Variants in FCHO2 observed in about 807,000 individuals in gnomAD.
FCHO2 encodes the protein F-BAR domain only protein 2.
In FCHO2, 43 loss-of-function variants were observed where a neutral mutation model predicts 114.1. The observed-to-expected ratio is 0.38, with a 90% CI of 0.30 to 0.49. The LOEUF is 0.49. Ranked by LOEUF, FCHO2 falls within the 20% of genes least tolerant of loss-of-function variation. The pLI is 0.97. For missense variants in FCHO2, 807 were observed against 950.4 expected (o/e 0.85, Z 1.98); for synonymous variants, 293 against 315.2 (o/e 0.93, Z 0.75).
At chr5:73,016,087 A>G (rs1755291895) in intron 7 of FCHO2, among the ~76,000 whole-genome samples, 1 of 152,074 alleles carries the variant, frequency 6.6e-6, no homozygotes. Flanking sequence ...GTGTTCCACA[A>G]ATATAAAAGG....
At chr5:72,962,365 G>A (rs913607727) in intron 1 of FCHO2, among the ~76,000 whole-genome samples, 2 of 152,200 alleles carry the variant, frequency 1.3e-5, no homozygotes, top group Non-Finnish European at 2.9e-5. Flanking sequence ...AGCAAAGGAT[G>A]AGGGAACAGT....
In FCHO2 at chr5:73,063,904, C is replaced by G. The variant is rs776555079; in HGVS notation, c.1409C>G (p.Pro470Arg). 1.9e-6 allele frequency: 3 copies of G among 1,611,800 alleles called. No homozygotes were observed. Among genetic ancestry groups the G allele is most frequent in the Non-Finnish European group, 2.5e-6 (3 of 1,178,788 alleles). ...IVPPPRPASR[P>R]KLTSGKLSGI... ...CCACCTCCGAGGCCTGCTTCCAGACCAAAGCTTACTTCAGGCAAACTCAGT... is the reference window on the plus strand; with the variant it reads ...CCACCTCCGAGGCCTGCTTCCAGACGAAAGCTTACTTCAGGCAAACTCAGT... Residue 470 changes from proline (P) to arginine (R), a missense_variant, in exon 18 of 26, where the codon CCA becomes CGA. Coordinates refer to ENST00000430046, the MANE Select transcript of FCHO2 (RefSeq NM_138782.3).
chr5:73,017,262 G>A lies in FCHO2; in HGVS notation c.750G>A (p.Leu250=). 1 of 1,566,332 alleles carries A rather than the reference G, an allele frequency of 6.4e-7. No individual in the cohort carries two copies. Among genetic ancestry groups the A allele is most frequent in the East Asian group, 2.3e-5 (1 of 42,578 alleles). Residue 250 remains leucine, a synonymous_variant, in exon 8 of 26, where the codon TTG becomes TTA. Coordinates refer to ENST00000430046, the MANE Select transcript of FCHO2 (RefSeq NM_138782.3). ...TGGCTAATACTACAGTTGAAAGTTTGATACAAAAATTTGCTGAGTCAAAAG... is the reference window on the plus strand; with the variant it reads ...TGGCTAATACTACAGTTGAAAGTTTAATACAAAAATTTGCTGAGTCAAAAG... ...NNMANTTVES[L]IQKFAESKGT... is the part of the protein sequence containing the mutation.
intron 1 of FCHO2, among the ~76,000 whole-genome samples, chr5:72,962,933 A>T (rs1218533680): frequency 6.6e-6 from 1 of 152,122 alleles, no homozygotes; most frequent in Non-Finnish European, 1.5e-5. Context: ...TTTAGTAGCA[A>T]TCTGGTCCAA....
chr5:73,065,430 A>C (rs1003777363), intron 18 of FCHO2, among the ~76,000 whole-genome samples: 4 of 152,008 alleles, frequency 2.6e-5, no homozygotes, highest in African/African-American at 9.7e-5. Flanking sequence ...TTTGGAATGC[A>C]TAAGTGTTTA....
Position 73,081,862 on chromosome 5 carries a change from G to A in FCHO2, c.2060G>A (p.Arg687Lys), listed in dbSNP as rs756561862. Residue 687 changes from arginine to lysine, a missense_variant, in exon 23 of 26, where the codon AGA (arginine) becomes AAA (lysine). Coordinates refer to ENST00000430046, the MANE Select transcript of FCHO2 (RefSeq NM_138782.3). The part of the protein sequence containing the change: ...WKCSASTTDL[R>K]VDYKYNPEAM... Reference sequence around the variant, plus strand: ...TGTAGTGCTAGCACCACAGATCTTAGAGTGGATTATAAATACAATCCAGAA... The same window carrying A: ...TGTAGTGCTAGCACCACAGATCTTAAAGTGGATTATAAATACAATCCAGAA... 6.2e-7 allele frequency: 1 copy of A among 1,612,704 alleles called. No individual in the cohort carries two copies. Among genetic ancestry groups the A allele is most frequent in the South Asian group, 1.1e-5 (1 of 90,796 alleles).
chr5:73,088,312 G>T lies in FCHO2; in HGVS notation c.*222G>T, dbSNP rs890415321. ...AATGATCAACTACAATATTCAGGAA[G>T]CACATTTATTCAGATTCTCAGTAAA... On this transcript the variant is annotated 3_prime_UTR_variant, in exon 26 of 26. Coordinates refer to ENST00000430046, the MANE Select transcript of FCHO2 (RefSeq NM_138782.3). 1.6e-4 allele frequency: 89 copies of T among 545,532 alleles called. No individual in the cohort carries two copies. The highest frequency in any genetic ancestry group is 1.6e-3 in the African/African-American group (85 of 52,848). The allele number at this position is 545,532 out of a possible 1,614,324, so 33.8% of individuals were successfully genotyped here.
Position 73,078,225 on chromosome 5 carries a change from C to T in FCHO2, c.1893C>T (p.Asn631=). ...CDSNTKDFWM[N]MQAVTVYLKK... is the part of the protein sequence containing the mutation. ...CCAACACAAAAGATTTTTGGATGAA[C>T]ATGCAAGCTGTTACAGTCTACCTCA... Residue 631 remains asparagine, a synonymous_variant, in exon 22 of 26, where the codon AAC becomes AAT. Coordinates refer to ENST00000430046, the MANE Select transcript of FCHO2 (RefSeq NM_138782.3). 2 of 1,584,244 alleles carry T rather than the reference C, an allele frequency of 1.3e-6. No individual in the cohort carries two copies. The highest frequency in any genetic ancestry group is 1.7e-6 in the Non-Finnish European group (2 of 1,164,960).
intron 5 of FCHO2, among the ~76,000 whole-genome samples, chr5:72,991,811 G>GTATTTATA (rs1016311948): frequency 6.6e-6 from 1 of 152,100 alleles, no homozygotes; most frequent in African/African-American, 2.4e-5. Flanking sequence ...AAACAGCTGT[G>GTATTTATA]TATTTATATA....
At chr5:72,965,774 T>A (rs1482015012) in intron 1 of FCHO2, among the ~76,000 whole-genome samples, 1 of 152,210 alleles carries the variant, frequency 6.6e-6, no homozygotes, top group Non-Finnish European at 1.5e-5. Context: ...ATCAAAAATA[T>A]GAATGTTATA....
chr5:73,077,681 A>G (rs10062008), intron 21 of FCHO2, among the ~76,000 whole-genome samples, 188 bp downstream of exon 21: 3,682 of 151,818 alleles, frequency 0.024, 68 homozygotes, highest in South Asian at 0.038. Flanking sequence ...AAAACAAAAA[A>G]CAAAAAACAA....
intron 2 of FCHO2, among the ~76,000 whole-genome samples, chr5:72,971,390 A>T (rs1407199147): frequency 4.6e-5 from 7 of 152,106 alleles, no homozygotes; most frequent in Admixed American, 2.6e-4. Context: ...AATGATTGCC[A>T]TTCTAACTGG....
intron 2 of FCHO2, among the ~76,000 whole-genome samples, chr5:72,980,792 C>T (rs1429271506): frequency 3.3e-5 from 5 of 152,004 alleles, no homozygotes; most frequent in Admixed American, 3.3e-4. Flanking sequence ...TTTCCATTTG[C>T]TTGGTAAATA....
chr5:73,019,224 A>G (rs1205627978), intron 8 of FCHO2, among the ~76,000 whole-genome samples: 3 of 152,236 alleles, frequency 2.0e-5, no homozygotes, highest in Non-Finnish European at 2.9e-5. Flanking sequence ...GGCTTCCATC[A>G]TTAACATTTG....
At chr5:73,060,172 C>G (rs993869461) in intron 17 of FCHO2, among the ~76,000 whole-genome samples, 40 of 151,830 alleles carry the variant, frequency 2.6e-4, no homozygotes, top group African/African-American at 9.4e-4. Flanking sequence ...AAAAATGGTT[C>G]GTTTTCATTT....
chr5:73,013,693 A>G (rs1755145191), intron 6 of FCHO2, among the ~76,000 whole-genome samples: 1 of 152,126 alleles, frequency 6.6e-6, no homozygotes, highest in East Asian at 1.9e-4. Flanking sequence ...TCCAAGATGG[A>G]GTCTCACTCT....
At chr5:72,971,141 A>G (rs1264228059) in intron 2 of FCHO2, among the ~76,000 whole-genome samples, 2 of 152,062 alleles carry the variant, frequency 1.3e-5, no homozygotes, top group Non-Finnish European at 2.9e-5. Context: ...TGCTATTGTG[A>G]ATAATGCCGC....
chr5:72,963,714 A>G (rs1752007037), intron 1 of FCHO2, among the ~76,000 whole-genome samples: 1 of 151,880 alleles, frequency 6.6e-6, no homozygotes. Context: ...ACACCCAGCT[A>G]ATTTTTAAAA....
chr5:73,010,120 G>T (rs1580095147), intron 6 of FCHO2, among the ~76,000 whole-genome samples: 1 of 152,088 alleles, frequency 6.6e-6, no homozygotes, highest in Admixed American at 6.6e-5. Context: ...AGGCCAGCTG[G>T]GTTGACCAGT....
Sources: gnomAD v4.1 joint callset for allele counts (sites outside exome capture counted in the v4.1 genomes callset) on GRCh38, gnomAD v4.1.1 for gene constraint, MANE v1.5 for transcripts, NCBI Gene and HGNC (gene_info 2026-07-23, HGNC 2026-07-21) for gene names.